CDKL4: variants seen among roughly 807,000 people sequenced by gnomAD.
The protein encoded by CDKL4 is cyclin-dependent kinase-like 4.
In CDKL4, 44 loss-of-function variants were observed where a neutral mutation model predicts 42.0. The ratio of observed to expected loss-of-function variants is 1.05; its 90% CI spans 0.82 to 1.35. The LOEUF (loss-of-function observed/expected upper bound fraction) is 1.35, where lower values mean the gene tolerates loss of function less well. CDKL4 is among the 40% of genes most tolerant of loss of function. The pLI is 0.00. For synonymous variants in CDKL4, 120 were observed against 121.6 expected (o/e 0.99, Z 0.09); for missense variants, 393 against 369.9 (o/e 1.06, Z -0.51).
At chr2:39,195,419 T>C (rs1240453117) in intron 5 of CDKL4, among the ~76,000 whole-genome samples, 1 of 152,262 alleles carries the variant, frequency 6.6e-6, no homozygotes, top group Non-Finnish European at 1.5e-5. Flanking sequence ...ACTTTCCCAC[T>C]AGCAATGAAT....
rs1304137431 is a variant in CDKL4 at position 39,177,914 on chromosome 2, C to T, written c.927+1273G>A. Among the ~76,000 whole-genome samples, 6 of 152,322 alleles carry T rather than the reference C, an allele frequency of 3.9e-5. No homozygotes were observed. The South Asian group carries it at 6.2e-4, about 16-fold the overall frequency. On this transcript the variant is annotated intron_variant, in intron 9 of 9. Coordinates refer to ENST00000451199, the Ensembl canonical transcript of CDKL4. ...ATGTTGGCCAGGCTGGTGTCAAACTCCTGACCTCAAGTGATCTGCCCACCT... is the reference window on the plus strand; with the variant it reads ...ATGTTGGCCAGGCTGGTGTCAAACTTCTGACCTCAAGTGATCTGCCCACCT...
Position 39,179,192 on chromosome 2 carries a change from G to A in CDKL4, c.922C>T (p.Gln308Ter). 1 of 1,601,540 alleles carries A rather than the reference G, an allele frequency of 6.2e-7. No homozygotes were observed. Among genetic ancestry groups the A allele is most frequent in the Non-Finnish European group, 8.5e-7 (1 of 1,177,260 alleles). Residue 308 changes from glutamine (Q) to a stop codon, truncating the protein, a stop_gained, in exon 9 of 10, where the codon CAA becomes TAA. Coordinates refer to ENST00000451199, the Ensembl canonical transcript of CDKL4. LOFTEE classifies it high-confidence loss of function. ...TAACTTTTGAGCGGAAGTACCTGTT[G>A]GCGTCTTCTGTTTCTTCCTTCATTA... is the stretch of plus-strand genomic sequence containing the variant.
chr2:39,225,811 A>G, intron 3 of CDKL4, 28 bp downstream of exon 3: 1 of 1,584,628 alleles, frequency 6.3e-7, no homozygotes, highest in South Asian at 1.2e-5. Flanking sequence ...AACTGGCTGT[A>G]CAGAATTTCA....
At chr2:39,228,974 C>T (rs1403767372) in intron 2 of CDKL4, among the ~76,000 whole-genome samples, 1 of 152,124 alleles carries the variant, frequency 6.6e-6, no homozygotes, top group East Asian at 1.9e-4. Context: ...CATGTCGATG[C>T]CTACCAGGGC....
intron 1 of CDKL4, among the ~76,000 whole-genome samples, chr2:39,235,388 AG>A (rs2148403801): frequency 6.6e-6 from 1 of 152,346 alleles, no homozygotes; most frequent in African/African-American, 2.4e-5. Flanking sequence ...CTGACAAAGT[AG>A]AAAGTAATGC....
intron 4 of CDKL4, among the ~76,000 whole-genome samples, chr2:39,212,092 T>C (rs1043716534): frequency 6.6e-6 from 1 of 152,166 alleles, no homozygotes; most frequent in Middle Eastern, 3.2e-3. Context: ...ATATGAGAAA[T>C]GCACATTCTT....
At chr2:39,222,693 G>A (rs901646350) in intron 3 of CDKL4, among the ~76,000 whole-genome samples, 15 of 152,142 alleles carry the variant, frequency 9.9e-5, no homozygotes, top group African/African-American at 3.6e-4. Context: ...TAAGTCTATA[G>A]ACAGGAAAGC....
chr2:39,209,933 G>A (rs563952141), intron 4 of CDKL4, among the ~76,000 whole-genome samples: 1 of 152,216 alleles, frequency 6.6e-6, no homozygotes, highest in African/African-American at 2.4e-5. Context: ...ATACACAAAG[G>A]CTTACCATAA....
At chr2:39,192,554 T>C (rs1676255333) in intron 5 of CDKL4, among the ~76,000 whole-genome samples, 1 of 138,588 alleles carries the variant, frequency 7.2e-6, no homozygotes, top group Non-Finnish European at 1.6e-5. Flanking sequence ...TTTTTTTTTG[T>C]ATAGATAGAG....
At position 39,214,268 on chromosome 2, in the gene CDKL4, G is replaced by A. The variant is rs1321576869; in HGVS notation, c.291-796C>T. On this transcript the variant is annotated intron_variant, in intron 3 of 9. Coordinates refer to ENST00000451199, the Ensembl canonical transcript of CDKL4. ...AATTTTAAAATAAAAACATTCGTAT[G>A]GTTCAAATTTTAAACATATAAAAGT... 2.0e-5 allele frequency among the ~76,000 whole-genome samples: 3 copies of A among 152,082 alleles called. No homozygotes were observed. The South Asian group carries it at 6.2e-4, about 32-fold the overall frequency.
At chr2:39,220,487 G>A (rs1032353812) in intron 3 of CDKL4, among the ~76,000 whole-genome samples, 7 of 152,204 alleles carry the variant, frequency 4.6e-5, no homozygotes, top group African/African-American at 1.7e-4. Context: ...GGGAATGTAT[G>A]AAGAAATGGA....
chr2:39,190,396 A>C, exon 6 of CDKL4: 1 of 1,614,096 alleles, frequency 6.2e-7, no homozygotes, highest in African/African-American at 1.3e-5. Context: ...AAACACAACC[A>C]ATAGCCCATA....
chr2:39,209,127 T>A (rs765918847), intron 4 of CDKL4, among the ~76,000 whole-genome samples: 1 of 145,434 alleles, frequency 6.9e-6, no homozygotes, highest in East Asian at 2.0e-4. Flanking sequence ...ACAATGAGAC[T>A]ATCTCTACAA....
chr2:39,192,555 A>G, intron 5 of CDKL4, among the ~76,000 whole-genome samples: 1 of 124,804 alleles, frequency 8.0e-6, no homozygotes, highest in Non-Finnish European at 1.8e-5. Flanking sequence ...TTTTTTTTGT[A>G]TAGATAGAGG....
intron 5 of CDKL4, among the ~76,000 whole-genome samples, chr2:39,193,549 A>G (rs1676325941): frequency 6.6e-6 from 1 of 151,806 alleles, no homozygotes; most frequent in Non-Finnish European, 1.5e-5. Context: ...CTAATTTTGT[A>G]TTTTTAGTAG....
chr2:39,173,582 G>T (rs1025970591), downstream of CDKL4, among the ~76,000 whole-genome samples: 1 of 152,132 alleles, frequency 6.6e-6, no homozygotes, highest in Non-Finnish European at 1.5e-5. Context: ...GGCCGAGATG[G>T]GCGGATCACG....
chr2:39,230,793 T>A (rs1425596380), intron 1 of CDKL4, among the ~76,000 whole-genome samples: 2 of 152,182 alleles, frequency 1.3e-5, no homozygotes, highest in African/African-American at 4.8e-5. Context: ...GTTATTTTTA[T>A]CCAATTATAC....
intron 1 of CDKL4, among the ~76,000 whole-genome samples, chr2:39,235,832 C>T (rs1298202484): frequency 3.4e-5 from 5 of 145,128 alleles, no homozygotes; most frequent in Admixed American, 3.4e-4. Context: ...AAGTTTTCAA[C>T]AAAAAAATTA....
At chr2:39,240,872 T>C (rs909735095) in intron 1 of CDKL4, among the ~76,000 whole-genome samples, 4 of 152,184 alleles carry the variant, frequency 2.6e-5, no homozygotes, top group African/African-American at 4.8e-5. Context: ...AATCTAATTA[T>C]GAGTTAACAA....
Sources: gnomAD v4.1 joint callset for allele counts (sites outside exome capture counted in the v4.1 genomes callset) on GRCh38, gnomAD v4.1.1 for gene constraint, MANE v1.5 for transcripts, NCBI Gene and HGNC (gene_info 2026-07-23, HGNC 2026-07-21) for gene names.